The following ETV6 variants were observed in gnomAD, a reference collection of about 807,000 sequenced individuals.
The protein encoded by ETV6 is ETS variant transcription factor 6.
ETV6 carries 16 observed loss-of-function variants against 51.1 expected under a neutral mutation model. The observed-to-expected ratio is 0.31, with a 90% CI of 0.21 to 0.48. ETV6 has a LOEUF of 0.48. ETV6 is among the 20% of genes least tolerant of loss of function. The probability of loss-of-function intolerance (pLI) is 0.99; values close to 1 mark genes in which losing one functional copy is unlikely to be tolerated. For synonymous variants in ETV6, 240 were observed against 224.1 expected (o/e 1.07, Z -0.64); for missense variants, 458 against 594.8 (o/e 0.77, Z 2.39).
At chr12:11,674,615 T>TTGTGTGTGTGTGTGTGTGTGTGTGTG (rs5796457) in intron 1 of ETV6, among the ~76,000 whole-genome samples, 1 of 133,162 alleles carries the variant, frequency 7.5e-6, no homozygotes, top group African/African-American at 2.9e-5. Flanking sequence ...TAGGGGTTAT[T>TTGTGTGTGTGTGTGTGTGTGTGTGTG]TGTGTGTGTG....
intron 3 of ETV6, among the ~76,000 whole-genome samples, chr12:11,847,417 C>T (rs536770359): frequency 2.0e-5 from 3 of 152,200 alleles, no homozygotes; most frequent in East Asian, 1.9e-4. Flanking sequence ...TTAGCATAGA[C>T]GAGCCGATTG....
At chr12:11,866,922 A>G (rs1231886827) in intron 4 of ETV6, among the ~76,000 whole-genome samples, 1 of 152,206 alleles carries the variant, frequency 6.6e-6, no homozygotes, top group Non-Finnish European at 1.5e-5. Flanking sequence ...ATTTTCTGCC[A>G]TTCTGGCAGC....
intron 1 of ETV6, among the ~76,000 whole-genome samples, chr12:11,684,268 C>T (rs1038434973): frequency 3.3e-5 from 5 of 152,216 alleles, no homozygotes; most frequent in Admixed American, 3.3e-4. Flanking sequence ...TCTAACAATC[C>T]GCTTCTGCCC....
chr12:11,723,155 A>G (rs1865423147), intron 1 of ETV6, among the ~76,000 whole-genome samples: 1 of 152,188 alleles, frequency 6.6e-6, no homozygotes, highest in African/African-American at 2.4e-5. Flanking sequence ...TGGGAATCCT[A>G]ATATCTCATA....
chr12:11,788,833 C>G (rs543029627), intron 2 of ETV6, among the ~76,000 whole-genome samples: 9 of 143,382 alleles, frequency 6.3e-5, no homozygotes, highest in African/African-American at 2.1e-4. Flanking sequence ...GTCCTTTCTT[C>G]CCCCTACCCC....
intron 2 of ETV6, among the ~76,000 whole-genome samples, chr12:11,817,057 C>T (rs1192171549): frequency 6.6e-6 from 1 of 152,178 alleles, no homozygotes; most frequent in Non-Finnish European, 1.5e-5. Flanking sequence ...GGAACCCGAA[C>T]TTTAGAGTCA....
chr12:11,807,335 T>A (rs1000209598), intron 2 of ETV6, among the ~76,000 whole-genome samples: 4 of 152,222 alleles, frequency 2.6e-5, no homozygotes, highest in Non-Finnish European at 5.9e-5. Context: ...ACTTTTTATT[T>A]AACACATGCA....
intron 1 of ETV6, among the ~76,000 whole-genome samples, chr12:11,721,168 A>G (rs1865377840): frequency 1.3e-5 from 2 of 152,190 alleles, no homozygotes; most frequent in Non-Finnish European, 2.9e-5. Context: ...AGATTTCTCA[A>G]CTTAAAACAG....
intron 3 of ETV6, among the ~76,000 whole-genome samples, chr12:11,843,003 T>C (rs1178636998): frequency 1.3e-5 from 2 of 152,198 alleles, no homozygotes; most frequent in African/African-American, 4.8e-5. Context: ...CTGGGAATAA[T>C]AGATGTGAGC....
intron 4 of ETV6, among the ~76,000 whole-genome samples, chr12:11,864,447 A>C (rs575997497): frequency 6.6e-6 from 1 of 152,302 alleles, no homozygotes; most frequent in East Asian, 1.9e-4. Flanking sequence ...AAAGAGAGAC[A>C]TTCTGTAAAT....
chr12:11,808,222 A>G (rs1418445845), intron 2 of ETV6, among the ~76,000 whole-genome samples: 1 of 152,190 alleles, frequency 6.6e-6, no homozygotes, highest in Non-Finnish European at 1.5e-5. Flanking sequence ...TGAGCCCCAT[A>G]AGCTGTTGTT....
intron 2 of ETV6, among the ~76,000 whole-genome samples, chr12:11,800,685 A>T (rs890102648): frequency 2.6e-5 from 4 of 152,156 alleles, no homozygotes; most frequent in Non-Finnish European, 4.4e-5. Flanking sequence ...AGATTCACCC[A>T]TGTTGCTGCA....
chr12:11,774,611 A>G (rs1055767194), intron 2 of ETV6, among the ~76,000 whole-genome samples: 1 of 152,210 alleles, frequency 6.6e-6, no homozygotes, highest in Non-Finnish European at 1.5e-5. Flanking sequence ...ATGTAAATAA[A>G]TGGTGCCCAG....
At chr12:11,685,063 C>T (rs1864601838) in intron 1 of ETV6, among the ~76,000 whole-genome samples, 1 of 152,100 alleles carries the variant, frequency 6.6e-6, no homozygotes. Flanking sequence ...CAGGAGCTGG[C>T]CCAGGGGACA....
chr12:11,727,780 C>T (rs769267663), intron 1 of ETV6, among the ~76,000 whole-genome samples: 15 of 152,266 alleles, frequency 9.9e-5, no homozygotes, highest in Admixed American at 2.6e-4. Flanking sequence ...GGAGACCCCG[C>T]GGAGAAAGTA....
At chr12:11,852,883 T>G (rs1341312210) in intron 3 of ETV6, among the ~76,000 whole-genome samples, 2 of 152,220 alleles carry the variant, frequency 1.3e-5, no homozygotes, top group African/African-American at 2.4e-5. Flanking sequence ...TCTGATTTTC[T>G]GCCTTTTTAA....
At position 11,649,685 on chromosome 12, in the gene ETV6, T is replaced by C. The variant is rs1016628763; in HGVS notation, c.-443T>C. On this transcript the variant is annotated 5_prime_UTR_variant, in exon 1 of 8. Transcript: ENST00000396373. ...AGTGCTGGGAATTCACGTCAGTTTC[T>C]GCACTGAAACTCTCAAGATCAATGA... 1.3e-5 allele frequency among the ~76,000 whole-genome samples: 2 copies of C among 149,710 alleles called. No individual in the cohort carries two copies. Among genetic ancestry groups the C allele is most frequent in the African/African-American group, 2.4e-5 (1 of 41,260 alleles).
At chr12:11,825,218 TAAAAG>T (rs1946135467) in intron 2 of ETV6, among the ~76,000 whole-genome samples, 1 of 151,998 alleles carries the variant, frequency 6.6e-6, no homozygotes, top group African/African-American at 2.4e-5. Context: ...TGGAAAGAAT[TAAAAG>T]TAAAAGAAAA....
intron 1 of ETV6, among the ~76,000 whole-genome samples, chr12:11,726,669 C>A (rs540451133): frequency 2.6e-5 from 4 of 151,612 alleles, no homozygotes; most frequent in Non-Finnish European, 5.9e-5. Context: ...ACTTGGGAGG[C>A]TGAGGTGGGA....
Sources: gnomAD v4.1 joint callset for allele counts (sites outside exome capture counted in the v4.1 genomes callset) on GRCh38, gnomAD v4.1.1 for gene constraint, MANE v1.5 for transcripts, NCBI Gene and HGNC (gene_info 2026-07-23, HGNC 2026-07-21) for gene names.